The following DRC9 variants were observed in gnomAD, a reference collection of about 807,000 sequenced individuals.
The protein encoded by DRC9 is dynein regulatory complex protein 9.
the DRC9 span, among the ~76,000 whole-genome samples, chr3:197,898,669 A>C: frequency 6.6e-6 from 1 of 152,232 alleles, no homozygotes; most frequent in Non-Finnish European, 1.5e-5. Flanking sequence ...AGAGAGAACG[A>C]GTGCCGAGCG....
chr3:197,943,675 G>A, the DRC9 span: 2 of 1,029,840 alleles, frequency 1.9e-6, no homozygotes, highest in Admixed American at 4.7e-5. Flanking sequence ...GAAAGAGAGA[G>A]AGAGAAAGAA....
the DRC9 span, chr3:197,932,339 T>C: frequency 2.5e-6 from 4 of 1,584,258 alleles, no homozygotes; most frequent in African/African-American, 2.7e-5. Flanking sequence ...AATGAGTTAA[T>C]AAATTCTATT....
chr3:197,897,817 G>A, the DRC9 span, among the ~76,000 whole-genome samples: 338 of 149,746 alleles, frequency 2.3e-3, 1 homozygote, highest in Non-Finnish European at 3.8e-3. Flanking sequence ...TGTCGCCCAG[G>A]CTGGAGTGCG....
chr3:197,896,124 C>A, the DRC9 span, among the ~76,000 whole-genome samples: 1 of 151,160 alleles, frequency 6.6e-6, no homozygotes, highest in South Asian at 2.1e-4. Flanking sequence ...GGGCAGATCA[C>A]CTGAGGTTGG....
chr3:197,905,196 T>C, the DRC9 span, among the ~76,000 whole-genome samples: 2 of 152,124 alleles, frequency 1.3e-5, no homozygotes, highest in Non-Finnish European at 2.9e-5. Context: ...TAGTCAATAA[T>C]TTAATTGTAA....
chr3:197,898,240 T>C, the DRC9 span, among the ~76,000 whole-genome samples: 1 of 152,318 alleles, frequency 6.6e-6, no homozygotes, highest in Non-Finnish European at 1.5e-5. Flanking sequence ...AAATAATTCT[T>C]GAGTTACAAA....
the DRC9 span, among the ~76,000 whole-genome samples, chr3:197,900,891 C>A: frequency 2.0e-5 from 3 of 152,322 alleles, no homozygotes; most frequent in African/African-American, 7.2e-5. The surrounding 1 kb of genome is among the most constrained non-coding windows in gnomAD (Gnocchi z 4.7). Context: ...TGGCAGGATT[C>A]ATCATCTACT....
chr3:197,931,288 C>G, the DRC9 span, among the ~76,000 whole-genome samples: 5 of 151,852 alleles, frequency 3.3e-5, no homozygotes, highest in Non-Finnish European at 7.4e-5. Context: ...TTGAGACCAG[C>G]CTGGCCAACA....
the DRC9 span, chr3:197,943,846 T>A: frequency 6.2e-7 from 1 of 1,614,110 alleles, no homozygotes; most frequent in Non-Finnish European, 8.5e-7. Flanking sequence ...AGCTGGTCTG[T>A]GGTGTCCTCC....
the DRC9 span, among the ~76,000 whole-genome samples, chr3:197,946,238 A>G: frequency 3.9e-4 from 59 of 152,016 alleles, no homozygotes; most frequent in African/African-American, 1.3e-3. Context: ...GATCGAGACC[A>G]TCCTGGCTAA....
the DRC9 span, chr3:197,954,578 C>G: frequency 1.9e-5 from 5 of 265,458 alleles, no homozygotes; most frequent in African/African-American, 1.1e-4. Flanking sequence ...GGCATGATCT[C>G]AGCTTGCTGC....
At chr3:197,903,269 A>T in the DRC9 span, among the ~76,000 whole-genome samples, 2 of 152,358 alleles carry the variant, frequency 1.3e-5, no homozygotes, top group African/African-American at 4.8e-5. Flanking sequence ...AGGACATTGG[A>T]CTGGGCAAAG....
the DRC9 span, among the ~76,000 whole-genome samples, chr3:197,915,592 C>T: frequency 2.1e-4 from 32 of 152,236 alleles, no homozygotes; most frequent in Admixed American, 2.0e-3. Flanking sequence ...TGCTTCAACC[C>T]GAGACCTGCT....
At chr3:197,916,667 C>T in the DRC9 span, among the ~76,000 whole-genome samples, 4 of 152,202 alleles carry the variant, frequency 2.6e-5, no homozygotes, top group Admixed American at 2.6e-4. Flanking sequence ...TAGTCTTGAA[C>T]TCCTAGACTC....
the DRC9 span, among the ~76,000 whole-genome samples, chr3:197,936,379 T>A: frequency 3.9e-5 from 6 of 152,158 alleles, no homozygotes; most frequent in African/African-American, 1.4e-4. Context: ...TTTTAAGTTT[T>A]TTTTTGAGAT....
chr3:197,958,055 C>G, the DRC9 span: 1 of 152,142 alleles, frequency 6.6e-6, no homozygotes, highest in Non-Finnish European at 1.5e-5. Flanking sequence ...CACTGAAGAA[C>G]TTGATTCACA....
chr3:197,904,791 C>A, the DRC9 span, among the ~76,000 whole-genome samples: 1 of 152,036 alleles, frequency 6.6e-6, no homozygotes, highest in Non-Finnish European at 1.5e-5. Flanking sequence ...ACCTGGGAGG[C>A]AGAGATTGCA....
At chr3:197,926,996 C>T in the DRC9 span, among the ~76,000 whole-genome samples, 5 of 152,188 alleles carry the variant, frequency 3.3e-5, no homozygotes, top group East Asian at 9.6e-4. Context: ...GGGGTTCAAA[C>T]TCAGGACTGT....
chr3:197,922,145 C>T, the DRC9 span, among the ~76,000 whole-genome samples: 25 of 152,268 alleles, frequency 1.6e-4, no homozygotes, highest in African/African-American at 2.4e-4. Context: ...AGACCCACTA[C>T]GAAGCAGAAT....
Sources: allele counts gnomAD v4.1 joint callset (sites outside exome capture counted in the v4.1 genomes callset), GRCh38; gene constraint gnomAD v4.1.1; non-coding constraint Gnocchi (gnomAD v3.1); transcripts MANE v1.5; gene names NCBI Gene and HGNC (gene_info 2026-07-23, HGNC 2026-07-21).